Variants in CCDC68 observed in about 807,000 individuals in gnomAD.
The protein encoded by CCDC68 is coiled-coil domain-containing protein 68.
In CCDC68, 45 loss-of-function variants were observed where a neutral mutation model predicts 47.1. The observed-to-expected ratio is 0.96, with a 90% CI of 0.75 to 1.23. CCDC68 has a LOEUF of 1.23. Among genes scored for constraint, CCDC68 ranks in the 50% most tolerant of loss-of-function variants. The probability of loss-of-function intolerance (pLI) is 0.00; values close to 1 mark genes in which losing one functional copy is unlikely to be tolerated. For missense variants in CCDC68, 353 were observed against 373.6 expected, an observed-to-expected ratio of 0.94 and a Z score of 0.45; for synonymous variants, 131 against 129.5, an observed-to-expected ratio of 1.01 and a Z score of -0.08.
intron 8 of CCDC68, among the ~76,000 whole-genome samples, chr18:54,924,195 A>T (rs1255400546): frequency 6.6e-6 from 1 of 152,236 alleles, no homozygotes; most frequent in Non-Finnish European, 1.5e-5. Flanking sequence ...ATTAAAGCAG[A>T]ATTGAAAAGC....
intron 8 of CCDC68, among the ~76,000 whole-genome samples, chr18:54,927,235 A>G (rs542825226): frequency 6.6e-6 from 1 of 152,338 alleles, no homozygotes; most frequent in South Asian, 2.1e-4. Flanking sequence ...TAAAAATTGC[A>G]TAAGCCTGGA....
chr18:54,939,667 T>C (rs2044404712), intron 4 of CCDC68, among the ~76,000 whole-genome samples: 1 of 152,084 alleles, frequency 6.6e-6, no homozygotes, highest in African/African-American at 2.4e-5. Context: ...GCTCCTCCTA[T>C]CTATGGTGGG....
chr18:54,911,099 A>G (rs1914337403), intron 10 of CCDC68, among the ~76,000 whole-genome samples: 1 of 152,210 alleles, frequency 6.6e-6, no homozygotes, highest in African/African-American at 2.4e-5. Flanking sequence ...ATGGCTCATT[A>G]CAGCCATCAA....
intron 9 of CCDC68, among the ~76,000 whole-genome samples, 159 bp from the exon 10 acceptor site, chr18:54,918,155 A>G (rs2043988520): frequency 6.6e-6 from 1 of 152,192 alleles, no homozygotes; most frequent in African/African-American, 2.4e-5. Context: ...GCAACAGAAA[A>G]TAGCAGGCCA....
chr18:54,938,017 T>C lies in CCDC68; in HGVS notation c.285A>G (p.Ile95Met), dbSNP rs1221318443. 1.2e-6 allele frequency: 2 copies of C among 1,613,756 alleles called. No individual in the cohort carries two copies. The highest frequency in any genetic ancestry group is 1.1e-5 in the South Asian group (1 of 91,036). Residue 95 changes from isoleucine (I) to methionine (M), a missense_variant, in exon 5 of 12, where the codon ATA becomes ATG. Physicochemically the swap from Ile to Met is conservative, Grantham distance 10 (BLOSUM62 1). Transcript: ENST00000591504. ...CTAAGAGCTGTAGGTCTTTTCCTTT[T>C]ATCTTTTTCATAAGCAAATCCAAAC... ...CCSLDLLMKK[I>M]KGKDLQLLEM...
At chr18:54,924,557 G>A (rs1329404699) in intron 8 of CCDC68, among the ~76,000 whole-genome samples, 1 of 152,204 alleles carries the variant, frequency 6.6e-6, no homozygotes, top group African/African-American at 2.4e-5. Flanking sequence ...CACTGAAGGA[G>A]GGGGAAGAGA....
At chr18:54,921,779 A>T (rs910637541) in intron 8 of CCDC68, among the ~76,000 whole-genome samples, 4 of 152,226 alleles carry the variant, frequency 2.6e-5, no homozygotes, top group African/African-American at 9.6e-5. Flanking sequence ...AAACTAAGAA[A>T]AGCTATGAAA....
At chr18:54,952,742 G>T (rs1568165633) in intron 1 of CCDC68, among the ~76,000 whole-genome samples, 2 of 152,208 alleles carry the variant, frequency 1.3e-5, no homozygotes, top group Admixed American at 6.5e-5. Context: ...ACCAGGCATG[G>T]TGGCTCACAC....
chr18:54,938,124 A>G, intron 4 of CCDC68, 27 bp from the exon 5 acceptor site: 1 of 1,594,838 alleles, frequency 6.3e-7, no homozygotes, highest in South Asian at 1.2e-5. Context: ...AAAATCATAG[A>G]CCTGACTATC....
intron 1 of CCDC68, among the ~76,000 whole-genome samples, chr18:54,952,762 C>T (rs1169979514): frequency 6.6e-6 from 1 of 152,164 alleles, no homozygotes; most frequent in Non-Finnish European, 1.5e-5. Flanking sequence ...CCTGTAATCC[C>T]AGCACTTTGG....
At chr18:54,958,427 C>T (rs936887327) in intron 1 of CCDC68, among the ~76,000 whole-genome samples, 4 of 152,154 alleles carry the variant, frequency 2.6e-5, no homozygotes, top group Non-Finnish European at 5.9e-5. Flanking sequence ...TAGGTAAAAT[C>T]AAAAGAACAG....
At chr18:54,920,842 G>T (rs1049307857) in intron 8 of CCDC68, among the ~76,000 whole-genome samples, 4 of 152,110 alleles carry the variant, frequency 2.6e-5, no homozygotes, top group Admixed American at 6.5e-5. Context: ...TCCCATTACT[G>T]GGTATATACC....
At chr18:54,934,671 A>C (rs933247043) in intron 7 of CCDC68, 149 bp downstream of exon 7, 2 of 539,168 alleles carry the variant, frequency 3.7e-6, no homozygotes, top group Non-Finnish European at 5.5e-6. Flanking sequence ...ATTAATATTA[A>C]ATACTTCCTA....
chr18:54,916,969 C>A (rs1040985967), intron 10 of CCDC68, among the ~76,000 whole-genome samples: 4 of 152,168 alleles, frequency 2.6e-5, no homozygotes, highest in Non-Finnish European at 4.4e-5. Flanking sequence ...GCTATGCAAG[C>A]TATGGCTTCC....
chr18:54,949,744 G>T (rs1269468163), intron 1 of CCDC68, among the ~76,000 whole-genome samples: 1 of 152,186 alleles, frequency 6.6e-6, no homozygotes, highest in Non-Finnish European at 1.5e-5. Context: ...ACTCCCTGGA[G>T]CTGGGGCACA....
intron 8 of CCDC68, among the ~76,000 whole-genome samples, chr18:54,920,711 T>G (rs1273506031): frequency 6.6e-6 from 1 of 152,192 alleles, no homozygotes; most frequent in Non-Finnish European, 1.5e-5. Flanking sequence ...TTGGCAAGGA[T>G]GCAGAGAAAA....
chr18:54,919,501 G>A, intron 8 of CCDC68, 125 bp from the exon 9 acceptor site: 1 of 753,220 alleles, frequency 1.3e-6, no homozygotes, highest in East Asian at 2.6e-5. Context: ...AAGACCCCGG[G>A]GCCCCATTAT....
At chr18:54,921,341 ATAAAAGT>A (rs2044056816) in intron 8 of CCDC68, among the ~76,000 whole-genome samples, 2 of 152,362 alleles carry the variant, frequency 1.3e-5, no homozygotes, top group South Asian at 4.1e-4. Flanking sequence ...CACAGGTAAA[ATAAAAGT>A]TGAAATTAAA....
At chr18:54,958,820 G>C (rs972122163) in intron 1 of CCDC68, among the ~76,000 whole-genome samples, 5 of 152,122 alleles carry the variant, frequency 3.3e-5, no homozygotes, top group African/African-American at 1.2e-4. Context: ...TCAAGCAATG[G>C]GCTGCTCTTT....
Sources: gnomAD v4.1 joint callset for allele counts (sites outside exome capture counted in the v4.1 genomes callset) on GRCh38, gnomAD v4.1.1 for gene constraint, MANE v1.5 for transcripts, NCBI Gene and HGNC (gene_info 2026-07-23, HGNC 2026-07-21) for gene names.